CENPF: variants seen among roughly 807,000 people sequenced by gnomAD.
CENPF encodes centromere protein F, also known as AH antigen.
Under a neutral mutation model 307.3 loss-of-function variants are expected in CENPF, and 214 were observed. The ratio of observed to expected loss-of-function variants is 0.70; its 90% CI spans 0.62 to 0.78. The LOEUF (loss-of-function observed/expected upper bound fraction) is 0.78, where lower values mean the gene tolerates loss of function less well. Ranked by LOEUF, CENPF falls within the 30% of genes least tolerant of loss-of-function variation. The probability of loss-of-function intolerance (pLI) is 0.00; values close to 1 mark genes in which losing one functional copy is unlikely to be tolerated. For missense variants in CENPF, 3,401 were observed against 3,483.9 expected (o/e 0.98, Z 0.60); for synonymous variants, 1,259 against 1,270.6 (o/e 0.99, Z 0.19).
Position 214,641,501 on chromosome 1 carries a change from T to C in CENPF, c.3163T>C (p.Cys1055Arg), listed in dbSNP as rs1291193495. 6.6e-7 allele frequency: 1 copy of C among 1,520,894 alleles called. No homozygotes were observed. The allele number at this position is 1,520,894 out of a possible 1,614,324, so 94.2% of individuals were successfully genotyped here. A position where few individuals can be genotyped will look rare whatever the true frequency, so the allele number is the denominator to read the frequency against. The change falls in exon 12 of 20, where the codon TGC becomes CGC. Residue 1055 changes from cysteine to arginine, a missense_variant. Transcript: ENST00000366955. ...AAQEKNSKLE[C>R]LLNECTSLCE... is the part of the protein sequence containing the mutation. ...ACAGGAAAAGAATTCTAAATTAGAATGCTTGCTAAATGAATGCACTAGTCT... is the reference window on the plus strand; with the variant it reads ...ACAGGAAAAGAATTCTAAATTAGAACGCTTGCTAAATGAATGCACTAGTCT...
At position 214,657,392 on chromosome 1, in the gene CENPF, C is replaced by T. The variant is rs763301128; in HGVS notation, c.8945C>T (p.Pro2982Leu). The change falls in exon 18 of 20, where the codon CCA becomes CTA. Residue 2982 changes from proline to leucine, a missense_variant. By Grantham distance (98) the Pro-to-Leu change is moderately conservative. Coordinates refer to ENST00000366955, the MANE Select transcript of CENPF (RefSeq NM_016343.4). ...EGTEFEPEGL[P>L]EVVKKGFADI... ...ACTGAGTTTGAGCCAGAGGGACTTC[C>T]AGAAGTTGTAAAGAAAGGTATGCCT... The T allele has an allele frequency of 6.1e-5, 98 of 1,606,146 alleles. No individual in the cohort carries two copies. The highest frequency in any genetic ancestry group is 8.2e-5 in the Non-Finnish European group (96 of 1,177,786).
intron 1 of CENPF, chr1:214,608,956 C>T (rs1657121321): frequency 2.9e-6 from 3 of 1,017,540 alleles, no homozygotes; most frequent in South Asian, 2.2e-5. Context: ...GGGAGGGCGC[C>T]CCCCCAGCTA....
chr1:214,644,627 C>T lies in CENPF; in HGVS notation c.5057C>T (p.Pro1686Leu), dbSNP rs1341891669. Residue 1686 changes from proline to leucine, a missense_variant, in exon 13 of 20, where the codon CCA becomes CTA. Pro to Leu is a moderately conservative substitution (Grantham distance 98). Coordinates refer to ENST00000366955, the MANE Select transcript of CENPF (RefSeq NM_016343.4). ...ACTTCAGAAACTACAGAAAGAACACCAAAGCATGATGTTCATCAGATTTGT... is the reference window on the plus strand; with the variant it reads ...ACTTCAGAAACTACAGAAAGAACACTAAAGCATGATGTTCATCAGATTTGT... ...EHTSETTERT[P>L]KHDVHQICDK... 9.9e-6 allele frequency: 16 copies of T among 1,613,480 alleles called. No homozygotes were observed. Among genetic ancestry groups the T allele is most frequent in the Non-Finnish European group, 1.3e-5 (15 of 1,179,834 alleles).
At chr1:214,636,820 G>A (rs1309214276) in intron 10 of CENPF, among the ~76,000 whole-genome samples, 2 of 152,158 alleles carry the variant, frequency 1.3e-5, no homozygotes, top group Non-Finnish European at 2.9e-5. Flanking sequence ...AAAAAAGTTA[G>A]CTTTATATGA....
intron 4 of CENPF, 67 bp from the exon 5 acceptor site, chr1:214,619,062 T>C: frequency 2.4e-6 from 2 of 823,980 alleles, no homozygotes; most frequent in South Asian, 1.6e-5. Context: ...AAAATCGTTG[T>C]TGATCTGTGA....
chr1:214,652,922 G>C lies in CENPF; in HGVS notation c.8255G>C (p.Ser2752Thr). Residue 2752 changes from serine (S) to threonine (T), a missense_variant, in exon 16 of 20, where the codon AGT (serine) becomes ACT (threonine). By Grantham distance (58) the Ser-to-Thr change is moderately conservative (BLOSUM62 1). Transcript: ENST00000366955. ...QKLEIDLLKS[S>T]KEELNNSLKA... ...CTGGAGATAGACCTTTTAAAGTCTA[G>C]TAAAGAAGAGCTCAATAATTCATTG... 1 of 1,608,226 alleles carries C rather than the reference G, an allele frequency of 6.2e-7. No homozygotes were observed. Among genetic ancestry groups the C allele is most frequent in the Non-Finnish European group, 8.5e-7 (1 of 1,177,790 alleles).
chr1:214,646,204 AAAG>A lies in CENPF; in HGVS notation c.6637_6639del (p.Glu2213del). ...AGACCTTGTCACGTTAAGGTCTGAA[AAAG>A]AAAATCTGACAAAACAAATACAAGA... On this transcript the variant is annotated inframe_deletion, in exon 13 of 20. Transcript: ENST00000366955. The A allele has an allele frequency of 6.2e-7, 1 of 1,613,348 alleles. No homozygotes were observed. The highest frequency in any genetic ancestry group is 8.5e-7 in the Non-Finnish European group (1 of 1,179,874).
At chr1:214,655,464 A>C in intron 17 of CENPF, 61 bp downstream of exon 17, 1 of 1,417,344 alleles carries the variant, frequency 7.1e-7, no homozygotes, top group Non-Finnish European at 9.5e-7. Flanking sequence ...GAAATAACAT[A>C]TGGTATGCGT....
chr1:214,618,541 A>C, intron 3 of CENPF, 32 bp from the exon 4 acceptor site: 1 of 1,610,606 alleles, frequency 6.2e-7, no homozygotes, highest in Non-Finnish European at 8.5e-7. Flanking sequence ...GCTCTAACTG[A>C]TTTGTCTGCC....
chr1:214,622,568 T>C (rs1354231316), intron 7 of CENPF, among the ~76,000 whole-genome samples: 2 of 152,302 alleles, frequency 1.3e-5, no homozygotes, highest in South Asian at 2.1e-4. Flanking sequence ...GCATCTAGCA[T>C]GATGTGTGCC....
At position 214,658,928 on chromosome 1, in the gene CENPF, G is replaced by A. The variant is rs1279276694; in HGVS notation, c.9041G>A (p.Arg3014His). The change falls in exon 19 of 20, where the codon CGC (arginine) becomes CAC (histidine). Residue 3014 changes from arginine (R) to histidine (H), a missense_variant. Transcript: ENST00000366955. ...ACCATGGCAACTCGGACCAGCCCCCGCCTGGCTGCACAGAAGTTAGCGCTA... is the reference window on the plus strand; with the variant it reads ...ACCATGGCAACTCGGACCAGCCCCCACCTGGCTGCACAGAAGTTAGCGCTA... ...RTTMATRTSP[R>H]LAAQKLALSP... is the part of the protein sequence containing the mutation. 10 of 1,613,990 alleles carry A rather than the reference G, an allele frequency of 6.2e-6. No individual in the cohort carries two copies. The East Asian group carries it at 1.3e-4, about 22-fold the overall frequency.
At position 214,629,154 on chromosome 1, in the gene CENPF, GAA is replaced by G. The variant is rs1657737486; in HGVS notation, c.1180_1181del (p.Lys394GlyfsTer44). The G allele has an allele frequency of 1.2e-6, 2 of 1,607,396 alleles. No individual in the cohort carries two copies. Among genetic ancestry groups the G allele is most frequent in the Non-Finnish European group, 1.7e-6 (2 of 1,178,224 alleles). ...CSLEQKIKEKEKEFQEELSRQ... is the reference protein window; with the variant it reads ...CSLEQKIKEKXKEFQEELSRQ... ...TCTGGAACAGAAAATTAAGGAAAAA[GAA>G]AAGGAGTTTCAAGAGGTAAGGTAAA... On this transcript the variant is annotated frameshift_variant, in exon 8 of 20. Coordinates refer to ENST00000366955, the MANE Select transcript of CENPF (RefSeq NM_016343.4). LOFTEE classifies it high-confidence loss of function.
At chr1:214,632,967 G>A (rs1259902765) in intron 10 of CENPF, among the ~76,000 whole-genome samples, 1 of 152,168 alleles carries the variant, frequency 6.6e-6, no homozygotes, top group Non-Finnish European at 1.5e-5. Context: ...TAAATGGAAA[G>A]AAACAAAATT....
At chr1:214,608,591 C>G (rs1657104873) in intron 1 of CENPF, 2 of 1,609,190 alleles carry the variant, frequency 1.2e-6, no homozygotes, top group African/African-American at 2.7e-5. Context: ...TCAATGGTGT[C>G]CAGCTCGCGC....
At chr1:214,656,278 G>A (rs150394760) in intron 17 of CENPF, among the ~76,000 whole-genome samples, 6 of 152,260 alleles carry the variant, frequency 3.9e-5, no homozygotes, top group Non-Finnish European at 8.8e-5. Flanking sequence ...GGCTTCTCTG[G>A]TCTGTAGTGT....
At chr1:214,630,437 C>T (rs1423972547) in intron 8 of CENPF, 97 bp from the exon 9 acceptor site, 6 of 1,445,574 alleles carry the variant, frequency 4.2e-6, no homozygotes, top group African/African-American at 2.8e-5. Flanking sequence ...GTCTCCTGTG[C>T]TCTCTGTGCA....
rs1341270097 is a variant in CENPF, at chr1:214,629,162, G to C, written c.1185G>C (p.Glu395Asp). Residue 395 changes from glutamate (E) to aspartate (D), a missense_variant, in exon 8 of 20, where the codon GAG (glutamate) becomes GAC (aspartate). By Grantham distance (45) the Glu-to-Asp change is conservative (BLOSUM62 2). Coordinates refer to ENST00000366955, the MANE Select transcript of CENPF (RefSeq NM_016343.4). The stretch of plus-strand genomic sequence containing the variant: ...AGAAAATTAAGGAAAAAGAAAAGGA[G>C]TTTCAAGAGGTAAGGTAAATGGATT... ...LEQKIKEKEK[E>D]FQEELSRQQR... 6.2e-7 allele frequency: 1 copy of C among 1,606,876 alleles called. No homozygotes were observed. Among genetic ancestry groups the C allele is most frequent in the Admixed American group, 1.7e-5 (1 of 58,346 alleles).
chr1:214,629,488 T>C (rs966063182), intron 8 of CENPF, among the ~76,000 whole-genome samples: 1 of 152,130 alleles, frequency 6.6e-6, no homozygotes, highest in African/African-American at 2.4e-5. Context: ...GTGGAGGAAA[T>C]TGTATTACAT....
chr1:214,652,600 C>T (rs371191008), intron 15 of CENPF, among the ~76,000 whole-genome samples: 19 of 147,428 alleles, frequency 1.3e-4, no homozygotes, highest in East Asian at 7.9e-4. Context: ...CCTGCCACCA[C>T]GCCCAGCTAA....
Sources: gnomAD v4.1 joint callset for allele counts (sites outside exome capture counted in the v4.1 genomes callset) on GRCh38, gnomAD v4.1.1 for gene constraint, MANE v1.5 for transcripts, NCBI Gene and HGNC (gene_info 2026-07-23, HGNC 2026-07-21) for gene names.